Variants in LIMS1 observed in about 807,000 individuals in gnomAD.
LIMS1 encodes LIM and senescent cell antigen-like-containing domain protein 1.
LIMS1 carries 18 observed loss-of-function variants against 44.1 expected under a neutral mutation model. The ratio of observed to expected loss-of-function variants is 0.41; its 90% CI spans 0.28 to 0.61. The LOEUF (loss-of-function observed/expected upper bound fraction) is 0.61. LIMS1 is among the 20% of genes least tolerant of loss of function. The pLI, the probability that LIMS1 is intolerant of heterozygous loss-of-function variation, is 0.32. For missense variants in LIMS1, 201 were observed against 422.0 expected (o/e 0.48, Z 4.59); for synonymous variants, 93 against 149.1 (o/e 0.62, Z 2.74).
At chr2:108,636,717 G>T (rs1456408372) in intron 1 of LIMS1, among the ~76,000 whole-genome samples, 1 of 152,154 alleles carries the variant, frequency 6.6e-6, no homozygotes, top group Non-Finnish European at 1.5e-5. Flanking sequence ...TTGAGAAGAG[G>T]TAAGGAATGG....
chr2:108,630,176 G>C (rs1289589965), intron 1 of LIMS1, among the ~76,000 whole-genome samples: 3 of 123,304 alleles, frequency 2.4e-5, no homozygotes, highest in African/African-American at 9.8e-5. Flanking sequence ...CTGGGCAACA[G>C]AGTGAGACCC....
chr2:108,609,820 C>T (rs1208929635), intron 1 of LIMS1, among the ~76,000 whole-genome samples: 1 of 152,038 alleles, frequency 6.6e-6, no homozygotes, highest in Non-Finnish European at 1.5e-5. Context: ...TGTTTTCATC[C>T]CCACGGTTGA....
At chr2:108,555,794 G>A (rs1684907888) in intron 1 of LIMS1, among the ~76,000 whole-genome samples, 1 of 152,258 alleles carries the variant, frequency 6.6e-6, no homozygotes, top group Non-Finnish European at 1.5e-5. Context: ...GGGTGAGCCA[G>A]GCTGCAGTTG....
intron 1 of LIMS1, among the ~76,000 whole-genome samples, chr2:108,537,402 G>A (rs567239376): frequency 6.6e-6 from 1 of 152,230 alleles, no homozygotes; most frequent in Admixed American, 6.5e-5. Context: ...GTGGTAGTGT[G>A]TGCCTTGTAG....
At chr2:108,575,165 C>CT (rs778568986) in intron 1 of LIMS1, among the ~76,000 whole-genome samples, 9 of 151,510 alleles carry the variant, frequency 5.9e-5, no homozygotes, top group East Asian at 3.9e-4. Context: ...TTCTCTCACC[C>CT]TTTTTTTTTC....
intron 1 of LIMS1, among the ~76,000 whole-genome samples, chr2:108,606,083 G>C (rs1687255218): frequency 6.6e-6 from 1 of 152,226 alleles, no homozygotes; most frequent in African/African-American, 2.4e-5. Flanking sequence ...TAGTCACTGA[G>C]TATTCAGACT....
rs547518458 is a variant in LIMS1 at position 108,609,523 on chromosome 2, C to T, written c.33-50082C>T. Among the ~76,000 whole-genome samples, 206 of 152,348 alleles carry T rather than the reference C, an allele frequency of 1.4e-3. 1 individual carries two copies. The highest frequency in any genetic ancestry group is 4.8e-3 in the African/African-American group (201 of 41,564). ...GAGGCGCCCACTGTTCCCTGGCTCA[C>T]TTCTCCACCTTCCCATGCCTTTGCA... On this transcript the variant is annotated intron_variant, in intron 1 of 9. Transcript: ENST00000544547.
Position 108,551,497 on chromosome 2 carries a change from A to G in LIMS1, c.32+16903A>G, listed in dbSNP as rs992142640. ...TACATATATGCGCGCGCGCGCACAC[A>G]CACACACACACACACACACACACAC... is the stretch of plus-strand genomic sequence containing the variant. On this transcript the variant is annotated intron_variant, in intron 1 of 9. Transcript: ENST00000544547. 9.8e-3 allele frequency among the ~76,000 whole-genome samples: 1,097 copies of G among 111,716 alleles called. 7 individuals are homozygous for G. The highest frequency in any genetic ancestry group is 0.033 in the South Asian group (104 of 3,130). The allele number at this position is 111,716 out of a possible 152,430, so 73.3% of individuals were successfully genotyped here.
intron 1 of LIMS1, among the ~76,000 whole-genome samples, chr2:108,597,428 A>G (rs1047593566): frequency 1.1e-4 from 16 of 152,200 alleles, no homozygotes; most frequent in Non-Finnish European, 1.6e-4. Flanking sequence ...TAGAAGAGTT[A>G]AAATGTTGTG....
In LIMS1 at chr2:108,661,454, A is replaced by G. The variant is rs554354624; in HGVS notation, c.192+1690A>G. Among the ~76,000 whole-genome samples, 5 of 151,280 alleles carry G rather than the reference A, an allele frequency of 3.3e-5. No individual in the cohort carries two copies. In the South Asian group the frequency reaches 1.0e-3, roughly 32 times the overall value. On this transcript the variant is annotated intron_variant, in intron 2 of 9. Coordinates refer to ENST00000544547, the Ensembl canonical transcript of LIMS1. ...GGCAGTGGGAATCTTTTGGGCAAGG[A>G]TGATGGATTTAGGGATGGGCAAATG...
chr2:108,592,262 A>G (rs1375181229), intron 1 of LIMS1, among the ~76,000 whole-genome samples: 1 of 152,186 alleles, frequency 6.6e-6, no homozygotes. Flanking sequence ...TTGTCAGAAC[A>G]GTTACAGGAT....
At chr2:108,556,910 A>G (rs546650401) in intron 1 of LIMS1, among the ~76,000 whole-genome samples, 2 of 152,322 alleles carry the variant, frequency 1.3e-5, no homozygotes, top group East Asian at 3.9e-4. Flanking sequence ...TCTACCCAAT[A>G]AATACAAAGG....
At chr2:108,673,318 T>C in intron 5 of LIMS1, 1 of 495,038 alleles carries the variant, frequency 2.0e-6, no homozygotes, top group African/African-American at 2.0e-5. Flanking sequence ...CTAAAATTTC[T>C]CATGAGTCCC....
chr2:108,582,130 C>T (rs1234049328), intron 1 of LIMS1, among the ~76,000 whole-genome samples: 1 of 152,190 alleles, frequency 6.6e-6, no homozygotes, highest in East Asian at 1.9e-4. Flanking sequence ...AAGTCAAACC[C>T]TGACAAGCGG....
chr2:108,594,543 G>C (rs1686567621), intron 1 of LIMS1, among the ~76,000 whole-genome samples: 1 of 152,050 alleles, frequency 6.6e-6, no homozygotes, highest in South Asian at 2.1e-4. Context: ...AAGGATTCCA[G>C]GGTTTCTTTC....
chr2:108,650,629 G>A (rs1334633161), intron 1 of LIMS1, among the ~76,000 whole-genome samples: 3 of 151,836 alleles, frequency 2.0e-5, no homozygotes, highest in Non-Finnish European at 4.4e-5. Context: ...TGTTGGCCAG[G>A]CTCCTGGCCA....
At chr2:108,660,758 T>C (rs1691305420) in intron 2 of LIMS1, 1 of 183,040 alleles carries the variant, frequency 5.5e-6, no homozygotes, top group Non-Finnish European at 1.2e-5. Flanking sequence ...AACATGTATT[T>C]TGGGGGATAA....
chr2:108,622,632 G>C (rs1003294609), intron 1 of LIMS1, among the ~76,000 whole-genome samples: 2 of 152,100 alleles, frequency 1.3e-5, no homozygotes, highest in Non-Finnish European at 2.9e-5. Flanking sequence ...AAAAGTCTCA[G>C]AGTTTAAATT....
chr2:108,604,392 CTT>C (rs1687162300), intron 1 of LIMS1, among the ~76,000 whole-genome samples: 1 of 152,160 alleles, frequency 6.6e-6, no homozygotes, highest in Non-Finnish European at 1.5e-5. Flanking sequence ...ACCACAAAGA[CTT>C]TATAGCCTGC....
Sources: gnomAD v4.1 joint callset for allele counts (sites outside exome capture counted in the v4.1 genomes callset) on GRCh38, gnomAD v4.1.1 for gene constraint, MANE v1.5 for transcripts, NCBI Gene and HGNC (gene_info 2026-07-23, HGNC 2026-07-21) for gene names.